The following PDE1C variants were observed in gnomAD, a reference collection of about 807,000 sequenced individuals.
PDE1C encodes dual specificity calcium/calmodulin-dependent 3',5'-cyclic nucleotide phosphodiesterase 1C.
In PDE1C, 62 loss-of-function variants were observed where a neutral mutation model predicts 93.1. That is an observed-to-expected ratio of 0.67 (90% CI 0.54 to 0.82). The LOEUF (loss-of-function observed/expected upper bound fraction) is 0.82. Among genes scored for constraint, PDE1C ranks in the 40% least tolerant of loss-of-function variants. The pLI is 0.00. For missense variants in PDE1C, 742 were observed against 884.6 expected, an observed-to-expected ratio of 0.84 and a Z score of 2.04; for synonymous variants, 325 against 310.1, an observed-to-expected ratio of 1.05 and a Z score of -0.50.
intron 1 of PDE1C, among the ~76,000 whole-genome samples, chr7:32,313,672 A>G (rs1005029718): frequency 3.4e-5 from 5 of 148,732 alleles, no homozygotes; most frequent in Admixed American, 6.8e-5. Context: ...CAAACACCGC[A>G]TGTTCTCACT....
intron 1 of PDE1C, among the ~76,000 whole-genome samples, chr7:32,401,522 G>A: frequency 6.7e-6 from 1 of 148,616 alleles, no homozygotes; most frequent in East Asian, 2.0e-4. Flanking sequence ...GGGCAACAGA[G>A]CAAGACTCCA....
intron 6 of PDE1C, among the ~76,000 whole-genome samples, chr7:31,871,312 A>C (rs1467652520): frequency 6.6e-6 from 1 of 152,090 alleles, no homozygotes; most frequent in Non-Finnish European, 1.5e-5. Context: ...GTCTAGGCAA[A>C]GATTTTATGG....
intron 1 of PDE1C, among the ~76,000 whole-genome samples, chr7:32,307,915 C>T (rs951213149): frequency 6.6e-6 from 1 of 152,140 alleles, no homozygotes; most frequent in Non-Finnish European, 1.5e-5. Context: ...GTGCGTGAGC[C>T]GAAGCAGGGC....
intron 3 of PDE1C, among the ~76,000 whole-genome samples, chr7:32,087,795 G>T (rs149026374): frequency 1.8e-4 from 25 of 141,922 alleles, no homozygotes; most frequent in East Asian, 2.1e-4. Context: ...GGTGGGAATT[G>T]AACAATGAAA....
chr7:32,002,554 C>A (rs956306896), intron 2 of PDE1C, among the ~76,000 whole-genome samples: 4 of 150,080 alleles, frequency 2.7e-5, no homozygotes, highest in Non-Finnish European at 6.0e-5. Flanking sequence ...GTAATTAGAA[C>A]AGCGCCTGAC....
intron 2 of PDE1C, among the ~76,000 whole-genome samples, chr7:32,201,050 T>G (rs186752587): frequency 2.6e-5 from 4 of 152,360 alleles, no homozygotes; most frequent in Admixed American, 2.6e-4. Context: ...ACCACCCCCA[T>G]GCAGCATAGC....
chr7:32,231,832 T>A (rs762346424), intron 1 of PDE1C, among the ~76,000 whole-genome samples: 5 of 152,362 alleles, frequency 3.3e-5, no homozygotes, highest in Non-Finnish European at 5.9e-5. Flanking sequence ...AATCCATTAA[T>A]CTTATGTTAT....
chr7:31,768,125 C>T lies in PDE1C; in HGVS notation c.1960+7539G>A, dbSNP rs564774634. Reference sequence around the variant, plus strand: ...AATGTAGAGGAGTCTATCTAAATAGCTTGTTTAATCATGTGGTCCTAAGAC... The same window carrying T: ...AATGTAGAGGAGTCTATCTAAATAGTTTGTTTAATCATGTGGTCCTAAGAC... On this transcript the variant is annotated intron_variant, in intron 17 of 17. Coordinates refer to ENST00000396191, the MANE Select transcript of PDE1C (RefSeq NM_001191057.4). Among the ~76,000 whole-genome samples the T allele has an allele frequency of 1.9e-3, 292 of 152,320 alleles. 1 individual carries two copies. The highest frequency in any genetic ancestry group is 6.7e-3 in the African/African-American group (277 of 41,576).
Position 31,875,856 on chromosome 7 carries a change from T to C in PDE1C, c.492+2114A>G, listed in dbSNP as rs186561788. Among the ~76,000 whole-genome samples, 206 of 113,910 alleles carry C rather than the reference T, an allele frequency of 1.8e-3. 1 individual carries two copies. The highest frequency in any genetic ancestry group is 6.5e-3 in the African/African-American group (195 of 29,796). The allele number at this position is 113,910 out of a possible 152,430, so 74.7% of individuals were successfully genotyped here. A position where few individuals can be genotyped will look rare whatever the true frequency, so the allele number is the denominator to read the frequency against. ...ATATAATGGAAAAAGTAAAATAACA[T>C]AATGCAACATGTTTCAAATTTAGAG... On this transcript the variant is annotated intron_variant, in intron 5 of 17. Transcript: ENST00000396191.
intron 3 of PDE1C, among the ~76,000 whole-genome samples, chr7:32,169,309 C>T (rs1802497949): frequency 6.6e-6 from 1 of 152,118 alleles, no homozygotes; most frequent in African/African-American, 2.4e-5. Context: ...TAAACAGCCA[C>T]CTGGGAAACA....
At chr7:32,376,909 G>C (rs558616910) in intron 1 of PDE1C, among the ~76,000 whole-genome samples, 3 of 151,992 alleles carry the variant, frequency 2.0e-5, no homozygotes, top group Admixed American at 1.3e-4. Flanking sequence ...GGATGGTCTC[G>C]ATCTCCTGAC....
the PDE1C span, among the ~76,000 whole-genome samples, chr7:31,638,787 G>T: frequency 2.0e-5 from 3 of 151,962 alleles, no homozygotes; most frequent in Non-Finnish European, 4.4e-5. Flanking sequence ...TCGTTTGTTT[G>T]TTTTTTTGAG....
At chr7:31,737,365 T>C in the PDE1C span, among the ~76,000 whole-genome samples, 1 of 152,166 alleles carries the variant, frequency 6.6e-6, no homozygotes, top group African/African-American at 2.4e-5. Flanking sequence ...GTCTCTTTGC[T>C]TCATATACAA....
intron 2 of PDE1C, among the ~76,000 whole-genome samples, chr7:32,017,610 G>A (rs1346689813): frequency 6.6e-6 from 1 of 151,526 alleles, no homozygotes; most frequent in Non-Finnish European, 1.5e-5. Context: ...ATTTAATGAG[G>A]GACTAGTATC....
At chr7:31,934,072 T>C (rs1459569853) in intron 2 of PDE1C, among the ~76,000 whole-genome samples, 5 of 152,190 alleles carry the variant, frequency 3.3e-5, no homozygotes, top group Non-Finnish European at 7.3e-5. Context: ...CAAGATGGTA[T>C]GAAAAGAAAC....
At chr7:31,617,842 C>T in the PDE1C span, among the ~76,000 whole-genome samples, 1 of 152,092 alleles carries the variant, frequency 6.6e-6, no homozygotes, top group East Asian at 1.9e-4. Flanking sequence ...CAGAAGAAAA[C>T]ATTTGACCTA....
chr7:31,643,637 A>T, the PDE1C span: 2 of 1,614,070 alleles, frequency 1.2e-6, no homozygotes, highest in Non-Finnish European at 1.7e-6. Flanking sequence ...AAAGCAAGAC[A>T]GTTAAATGAT....
At chr7:32,377,242 AAG>A (rs1784449145) in intron 1 of PDE1C, among the ~76,000 whole-genome samples, 1 of 152,120 alleles carries the variant, frequency 6.6e-6, no homozygotes, top group African/African-American at 2.4e-5. Flanking sequence ...ATCTCTGGGA[AAG>A]AGTTCAGGAA....
In PDE1C at chr7:32,081,120, C is replaced by T. The variant is rs948982170; in HGVS notation, c.308+88665G>A. ...CCATGGAAACAGGTGGACTCTCACA[C>T]GTAGAGCTATGTGGCTTCCCTGCTG... On this transcript the variant is annotated intron_variant, in intron 3 of 18. Coordinates refer to the PDE1C transcript ENST00000396193. 7.2e-5 allele frequency among the ~76,000 whole-genome samples: 11 copies of T among 152,170 alleles called. No individual in the cohort carries two copies. The East Asian group carries it at 7.7e-4, about 11-fold the overall frequency.
Sources: allele counts gnomAD v4.1 joint callset (sites outside exome capture counted in the v4.1 genomes callset), GRCh38; gene constraint gnomAD v4.1.1; transcripts MANE v1.5; gene names NCBI Gene and HGNC (gene_info 2026-07-23, HGNC 2026-07-21).